Variants in HDAC9 observed in about 807,000 individuals in gnomAD.
The protein encoded by HDAC9 is histone deacetylase 9.
In HDAC9, 41 loss-of-function variants were observed where a neutral mutation model predicts 139.4. The ratio of observed to expected loss-of-function variants is 0.29; its 90% confidence interval spans 0.23 to 0.38. HDAC9 has a LOEUF of 0.38. Ranked by LOEUF, HDAC9 falls within the 10% of genes least tolerant of loss-of-function variation. The pLI, the probability that HDAC9 is intolerant of heterozygous loss-of-function variation, is 1.00. For missense variants in HDAC9, 1,147 were observed against 1,297.0 expected, an observed-to-expected ratio of 0.88 and a Z score of 1.78; for synonymous variants, 517 against 476.2, an observed-to-expected ratio of 1.09 and a Z score of -1.12.
chr7:18,889,335 G>A (rs910964018), intron 22 of HDAC9, among the ~76,000 whole-genome samples: 1 of 151,910 alleles, frequency 6.6e-6, no homozygotes, highest in Non-Finnish European at 1.5e-5. Flanking sequence ...CTTCTTTGAC[G>A]TTACTGTGTG....
intron 16 of HDAC9, chr7:18,793,126 G>A (rs576937637): frequency 1.9e-6 from 1 of 532,288 alleles, no homozygotes; most frequent in African/African-American, 1.9e-5. Flanking sequence ...TAGAGAAAAA[G>A]TATAAGCAAA....
rs569964541 is a variant in HDAC9 at position 18,940,846 on chromosome 7, G to T, written c.2937+4904G>T. ...AGCTTTAAGCAGTTGCCATTCCTATGGAATCTAAAACAAAAACATTGAAAA... is the reference window on the plus strand; with the variant it reads ...AGCTTTAAGCAGTTGCCATTCCTATTGAATCTAAAACAAAAACATTGAAAA... On this transcript the variant is annotated intron_variant, in intron 23 of 25. Coordinates refer to ENST00000686413, the MANE Select transcript of HDAC9 (RefSeq NM_178425.4). Among the ~76,000 whole-genome samples, 3 of 152,140 alleles carry T rather than the reference G, an allele frequency of 2.0e-5. No individual in the cohort carries two copies. In the East Asian group the frequency reaches 5.8e-4, roughly 29 times the overall value.
intron 1 of HDAC9, among the ~76,000 whole-genome samples, chr7:18,339,104 G>A (rs183909208): frequency 1.5e-4 from 23 of 151,414 alleles, no homozygotes; most frequent in South Asian, 1.0e-3. Context: ...CTGTAGTGAC[G>A]TCATTATTTC....
At chr7:18,625,946 CAAAAAAAAAAAAA>C (rs11312304) in intron 6 of HDAC9, among the ~76,000 whole-genome samples, 4 of 60,942 alleles carry the variant, frequency 6.6e-5, no homozygotes, top group Non-Finnish European at 8.8e-5. Context: ...GACTCCATCT[CAAAAAAAAAAAAA>C]AAAAAAAAAA....
At chr7:18,394,518 A>G (rs1786842480) in intron 1 of HDAC9, among the ~76,000 whole-genome samples, 1 of 152,134 alleles carries the variant, frequency 6.6e-6, no homozygotes, top group Admixed American at 6.6e-5. Context: ...AAAAGTACAC[A>G]TATTGGGACC....
At chr7:18,713,299 A>G (rs893811836) in intron 12 of HDAC9, among the ~76,000 whole-genome samples, 7 of 152,208 alleles carry the variant, frequency 4.6e-5, no homozygotes, top group African/African-American at 1.7e-4. Context: ...TGTTAGGATA[A>G]TAGTTTGGTG....
chr7:18,665,114 T>C (rs114379567), intron 11 of HDAC9, among the ~76,000 whole-genome samples: 2,402 of 152,228 alleles, frequency 0.016, 64 homozygotes, highest in African/African-American at 0.055. Context: ...TTTTAAAACA[T>C]GTATTTTGTA....
At chr7:18,490,700 C>T (rs556463939) in intron 1 of HDAC9, among the ~76,000 whole-genome samples, 1 of 152,114 alleles carries the variant, frequency 6.6e-6, no homozygotes, top group South Asian at 2.1e-4. Context: ...AATTAGTACA[C>T]TGTACTTTCC....
Position 18,666,315 on chromosome 7 carries a change from C to T in HDAC9, c.1570C>T (p.Pro524Ser). ...GDQAMQEDRA[P>S]SSGNSTRSDS... ...CCAGGCGATGCAGGAAGACAGAGCG[C>T]CCTCTAGTGGCAACAGCACTAGGAG... The change falls in exon 12 of 26, where the codon CCC becomes TCC. Residue 524 changes from proline to serine, a missense_variant. By Grantham distance (74) the Pro-to-Ser change is moderately conservative. This residue lies in a region of HDAC9 where 256 missense variants were observed against 219.2 expected (regional missense o/e 1.17). Coordinates refer to ENST00000686413, the MANE Select transcript of HDAC9 (RefSeq NM_178425.4). The T allele has an allele frequency of 1.2e-6, 2 of 1,613,370 alleles. No individual in the cohort carries two copies. Among genetic ancestry groups the T allele is most frequent in the South Asian group, 1.1e-5 (1 of 91,076 alleles).
At chr7:18,425,758 G>A (rs560358487) in intron 1 of HDAC9, among the ~76,000 whole-genome samples, 26 of 152,228 alleles carry the variant, frequency 1.7e-4, no homozygotes, top group African/African-American at 6.3e-4. Flanking sequence ...AGCAGGCTTC[G>A]TGCAAGGTTT....
chr7:18,097,035 C>T (rs1445912494), intron 1 of HDAC9, among the ~76,000 whole-genome samples: 1 of 152,078 alleles, frequency 6.6e-6, no homozygotes, highest in Non-Finnish European at 1.5e-5. Flanking sequence ...TATGTCTATG[C>T]TCTGCAACAT....
intron 1 of HDAC9, among the ~76,000 whole-genome samples, chr7:18,372,791 G>A (rs1784694987): frequency 6.6e-6 from 1 of 152,168 alleles, no homozygotes; most frequent in African/African-American, 2.4e-5. Flanking sequence ...TTATGGTGAT[G>A]TCAGTGATGC....
chr7:18,284,257 G>A (rs966318943), intron 2 of HDAC9, among the ~76,000 whole-genome samples: 14 of 151,932 alleles, frequency 9.2e-5, no homozygotes, highest in African/African-American at 3.4e-4. Flanking sequence ...ATTTAATTTG[G>A]TATTTACAAC....
intron 4 of HDAC9, among the ~76,000 whole-genome samples, chr7:18,590,841 G>GT: frequency 6.7e-6 from 1 of 149,716 alleles, no homozygotes. Flanking sequence ...TCCTGGCCAA[G>GT]TAATAATTGC....
intron 1 of HDAC9, among the ~76,000 whole-genome samples, chr7:18,487,006 G>A (rs976176184): frequency 1.3e-5 from 2 of 152,040 alleles, no homozygotes; most frequent in Non-Finnish European, 2.9e-5. Context: ...GGGATGAAAA[G>A]GATTTACTGC....
In HDAC9 at chr7:18,590,499, AGGGTAAAC is replaced by A. The variant is rs753012707; in HGVS notation, c.415+15_415+22del. 2 of 1,585,820 alleles carry A rather than the reference AGGGTAAAC, an allele frequency of 1.3e-6. No individual in the cohort carries two copies. The highest frequency in any genetic ancestry group is 1.7e-6 in the Non-Finnish European group (2 of 1,165,852). On this transcript the variant is annotated intron_variant, in intron 4 of 25. Transcript: ENST00000686413. Reference sequence around the variant, plus strand: ...AGAGGACGAGAAAGTAAGAGGCACCAGGGTAAACGATGGACTCTCTTTCCTCATCGTTA... The same window carrying A: ...AGAGGACGAGAAAGTAAGAGGCACCAGATGGACTCTCTTTCCTCATCGTTA...
intron 23 of HDAC9, among the ~76,000 whole-genome samples, chr7:18,944,538 A>G (rs1324156674): frequency 6.6e-6 from 1 of 152,098 alleles, no homozygotes; most frequent in African/African-American, 2.4e-5. Context: ...TGGATTTTTA[A>G]TTTTTGCTAC....
intron 17 of HDAC9, among the ~76,000 whole-genome samples, chr7:18,816,678 T>C (rs2520359): frequency 1.3e-5 from 2 of 152,134 alleles, no homozygotes; most frequent in African/African-American, 2.4e-5. Flanking sequence ...CCCCAATCCA[T>C]TACCAGAGAG....
At chr7:18,767,296 C>A in intron 16 of HDAC9, 141 bp downstream of exon 16, 1 of 485,468 alleles carries the variant, frequency 2.1e-6, no homozygotes, top group Non-Finnish European at 3.7e-6. Context: ...ATTTGCAGAG[C>A]TAAGTGCCAA....
Sources: gnomAD v4.1 joint callset for allele counts (sites outside exome capture counted in the v4.1 genomes callset) on GRCh38, gnomAD v4.1.1 for gene constraint, gnomAD v4.1.1 regional missense constraint, MANE v1.5 for transcripts, NCBI Gene and HGNC (gene_info 2026-07-23, HGNC 2026-07-21) for gene names.